UBE2E1: variants seen among roughly 807,000 people sequenced by gnomAD.
UBE2E1 encodes ubiquitin-conjugating enzyme E2 E1.
A neutral mutation model predicts 21.4 loss-of-function variants in UBE2E1; 6 were observed. The ratio of observed to expected loss-of-function variants is 0.28; its 90% CI spans 0.15 to 0.55. The LOEUF is 0.55. UBE2E1 is among the 20% of genes least tolerant of loss of function. The pLI is 0.93. For missense variants in UBE2E1, 142 were observed against 236.5 expected, an observed-to-expected ratio of 0.60 and a Z score of 2.62; for synonymous variants, 87 against 82.7, an observed-to-expected ratio of 1.05 and a Z score of -0.28.
At chr3:23,847,447 T>C (rs1384742391) in intron 3 of UBE2E1, among the ~76,000 whole-genome samples, 1 of 151,734 alleles carries the variant, frequency 6.6e-6, no homozygotes, top group African/African-American at 2.4e-5. Context: ...TTAATAGTTT[T>C]AAAAATATAT....
intron 3 of UBE2E1, among the ~76,000 whole-genome samples, chr3:23,884,033 T>G (rs143785054): frequency 6.6e-6 from 1 of 152,342 alleles, no homozygotes; most frequent in African/African-American, 2.4e-5. Flanking sequence ...TGCATTTTCT[T>G]CAGGGTCAAC....
chr3:23,850,720 G>A (rs1393418927), intron 3 of UBE2E1, among the ~76,000 whole-genome samples: 1 of 121,556 alleles, frequency 8.2e-6, no homozygotes, highest in Non-Finnish European at 1.7e-5. Context: ...GTCTCTTTCT[G>A]TCACCCATGC....
rs539474945 is a variant in UBE2E1 at position 23,838,368 on chromosome 3, A to G, written c.203+26858A>G. On this transcript the variant is annotated intron_variant, in intron 3 of 5. Transcript: ENST00000306627. ...AGGCATGAACCACCATGCCTGGACT[A>G]GCGGTTTCTTTTAAACAGCATATAA... Among the ~76,000 whole-genome samples the G allele has an allele frequency of 1.2e-4, 18 of 152,234 alleles. No individual in the cohort carries two copies. The East Asian group carries it at 3.1e-3, about 26-fold the overall frequency.
At chr3:23,851,706 G>A (rs1035944384) in intron 3 of UBE2E1, among the ~76,000 whole-genome samples, 1 of 152,156 alleles carries the variant, frequency 6.6e-6, no homozygotes, top group Admixed American at 6.5e-5. Flanking sequence ...AGAGGCTGAG[G>A]TGGGAAGATC....
intron 3 of UBE2E1, among the ~76,000 whole-genome samples, chr3:23,849,733 A>T (rs571035914): frequency 3.9e-5 from 6 of 152,272 alleles, no homozygotes; most frequent in Non-Finnish European, 8.8e-5. Context: ...TATATGTGCC[A>T]CGTTTTCTTT....
chr3:23,828,714 CG>C (rs1402472217), intron 3 of UBE2E1, among the ~76,000 whole-genome samples: 2 of 152,176 alleles, frequency 1.3e-5, no homozygotes, highest in Admixed American at 1.3e-4. Context: ...ATAAAATAAA[CG>C]TTACATAGCT....
At chr3:23,873,877 G>T (rs1038379595) in intron 3 of UBE2E1, among the ~76,000 whole-genome samples, 1 of 152,154 alleles carries the variant, frequency 6.6e-6, no homozygotes, top group African/African-American at 2.4e-5. Context: ...GCAAAAGTGG[G>T]CAACAAAAAA....
chr3:23,856,857 G>T (rs1700451601), intron 3 of UBE2E1, among the ~76,000 whole-genome samples: 1 of 152,086 alleles, frequency 6.6e-6, no homozygotes, highest in Admixed American at 6.6e-5. Flanking sequence ...AAAAAATGGA[G>T]TTGAGTGCAG....
intron 3 of UBE2E1, among the ~76,000 whole-genome samples, chr3:23,841,881 TG>T (rs2125300740): frequency 6.6e-6 from 1 of 152,260 alleles, no homozygotes; most frequent in African/African-American, 2.4e-5. Context: ...GACGTATGTT[TG>T]GGGGTAGATG....
At chr3:23,881,864 G>A (rs904131184) in intron 3 of UBE2E1, among the ~76,000 whole-genome samples, 7 of 152,124 alleles carry the variant, frequency 4.6e-5, no homozygotes, top group South Asian at 2.1e-4. Flanking sequence ...TCGTGGTCTC[G>A]CTGGCTTCAG....
chr3:23,833,512 C>T (rs1699911443), intron 3 of UBE2E1, among the ~76,000 whole-genome samples: 1 of 152,184 alleles, frequency 6.6e-6, no homozygotes, highest in African/African-American at 2.4e-5. Context: ...CAGAACGCCA[C>T]ATGAGAGTCT....
At chr3:23,835,403 G>T (rs1031403006) in intron 3 of UBE2E1, among the ~76,000 whole-genome samples, 1 of 152,160 alleles carries the variant, frequency 6.6e-6, no homozygotes, top group Admixed American at 6.5e-5. Flanking sequence ...AGGAGGTCGA[G>T]GCTAAGTGAG....
chr3:23,861,983 G>A (rs564435842), intron 3 of UBE2E1, among the ~76,000 whole-genome samples: 22 of 152,334 alleles, frequency 1.4e-4, no homozygotes, highest in African/African-American at 3.4e-4. Flanking sequence ...GCCTATGGAC[G>A]GCTAAACTAA....
At chr3:23,813,675 TG>T (rs1190112420) in intron 3 of UBE2E1, among the ~76,000 whole-genome samples, 24 of 152,136 alleles carry the variant, frequency 1.6e-4, no homozygotes, top group Non-Finnish European at 1.0e-4. Context: ...CCTGAGTAGC[TG>T]GGATTATAGG....
chr3:23,817,194 G>A (rs1699541928), intron 3 of UBE2E1, among the ~76,000 whole-genome samples: 1 of 152,154 alleles, frequency 6.6e-6, no homozygotes, highest in African/African-American at 2.4e-5. Context: ...TGTAATCCCA[G>A]CACTTTGGGA....
At chr3:23,807,531 G>A in intron 2 of UBE2E1, 110 bp downstream of exon 2, 1 of 1,363,708 alleles carries the variant, frequency 7.3e-7, no homozygotes, top group Non-Finnish European at 9.8e-7. Context: ...TGGTTTATGT[G>A]TTCTTAAAAA....
rs1699372993 is a variant in UBE2E1, at chr3:23,810,804, C to CG, written c.153-652dup. On this transcript the variant is annotated intron_variant, in intron 2 of 5. Coordinates refer to ENST00000306627, the MANE Select transcript of UBE2E1 (RefSeq NM_003341.5). This position sits in a 1 kb window ranked among gnomAD's most constrained non-coding sequence, Gnocchi z 5.8. The stretch of plus-strand genomic sequence containing the variant: ...CGGCGCGAGCCGTCGGGGGCGCGCG[C>CG]GGGGTGGGGGCGGCGTGGCCGGGCG... 4.9e-6 allele frequency: 1 copy of CG among 205,538 alleles called. No individual in the cohort carries two copies. Among genetic ancestry groups the CG allele is most frequent in the Admixed American group, 6.0e-5 (1 of 16,560 alleles). The allele number at this position is 205,538 out of a possible 1,614,324, so 12.7% of individuals were successfully genotyped here.
chr3:23,875,592 A>G lies in UBE2E1; in HGVS notation c.204-11975A>G, dbSNP rs188885386. Among the ~76,000 whole-genome samples, 535 of 152,332 alleles carry G rather than the reference A, an allele frequency of 3.5e-3. 2 individuals are homozygous for G. The highest frequency in any genetic ancestry group is 5.7e-3 in the Non-Finnish European group (390 of 68,030). On this transcript the variant is annotated intron_variant, in intron 3 of 5. Coordinates refer to ENST00000306627, the MANE Select transcript of UBE2E1 (RefSeq NM_003341.5). ...TTTATGCTAGAGGAAGACAGTAGGC[A>G]CCATTTCCTCAGTGTTGTTGTTACA...
chr3:23,848,478 A>G (rs555328466), intron 3 of UBE2E1, among the ~76,000 whole-genome samples: 2 of 152,196 alleles, frequency 1.3e-5, no homozygotes, highest in Admixed American at 1.3e-4. Context: ...TCAAAAAAAA[A>G]AAAACAAAAA....
Sources: gnomAD v4.1 joint callset for allele counts (sites outside exome capture counted in the v4.1 genomes callset) on GRCh38, gnomAD v4.1.1 for gene constraint, Gnocchi (gnomAD v3.1) non-coding constraint, MANE v1.5 for transcripts, NCBI Gene and HGNC (gene_info 2026-07-23, HGNC 2026-07-21) for gene names.